Variants in SLC38A9 observed in about 807,000 individuals in gnomAD.
SLC38A9 encodes the protein solute carrier family 38 member 9, also known as neutral amino acid transporter 9.
SLC38A9 carries 48 observed loss-of-function variants against 62.3 expected under a neutral mutation model. That is an observed-to-expected ratio of 0.77 (90% CI 0.61 to 0.98). The LOEUF is 0.98. Among genes scored for constraint, SLC38A9 ranks in the 50% least tolerant of loss-of-function variants. The pLI is 0.00. For synonymous variants in SLC38A9, 204 were observed against 227.7 expected (o/e 0.90, Z 0.94); for missense variants, 541 against 679.8 (o/e 0.80, Z 2.27).
chr5:55,641,414 G>C (rs965756624), intron 12 of SLC38A9, among the ~76,000 whole-genome samples: 5 of 152,224 alleles, frequency 3.3e-5, no homozygotes, highest in Non-Finnish European at 7.3e-5. Context: ...TTCTGACAAT[G>C]TCAATTCCTC....
intron 14 of SLC38A9, among the ~76,000 whole-genome samples, chr5:55,630,304 G>GTT (rs963538918): frequency 8.2e-4 from 125 of 151,982 alleles, no homozygotes; most frequent in African/African-American, 2.9e-3. Context: ...AAATTAAAGG[G>GTT]TTTTTTTGTT....
chr5:55,678,180 C>T (rs1170926446), intron 3 of SLC38A9, among the ~76,000 whole-genome samples: 4 of 134,678 alleles, frequency 3.0e-5, no homozygotes, highest in Non-Finnish European at 4.7e-5. Context: ...CTGTCTTGCC[C>T]AGGATGGAGA....
rs1033325670 is a variant in SLC38A9 at position 55,669,761 on chromosome 5, G to A, written c.365C>T (p.Thr122Ile). The change falls in exon 5 of 16, where the codon ACC (threonine) becomes ATC (isoleucine). Residue 122 changes from threonine to isoleucine, a missense_variant. Thr to Ile is a moderately conservative substitution (Grantham distance 89, BLOSUM62 -1). Transcript: ENST00000396865. Reference protein sequence around the residue: ...EGYGKNTSLVTIFMIWNTMMG... With the variant: ...EGYGKNTSLVIIFMIWNTMMG... ...TCCAAAAAGCAGTTTCACTCACATG[G>A]TTACTAAACTGGTGTTTTTACCGTA... 3.7e-6 allele frequency: 6 copies of A among 1,612,754 alleles called. No individual in the cohort carries two copies. The highest frequency in any genetic ancestry group is 3.4e-6 in the Non-Finnish European group (4 of 1,179,658).
intron 12 of SLC38A9, among the ~76,000 whole-genome samples, chr5:55,642,678 T>G (rs1022706791): frequency 3.3e-5 from 5 of 152,164 alleles, no homozygotes; most frequent in African/African-American, 1.2e-4. Flanking sequence ...CTATTGTATG[T>G]TAGATCATGT....
intron 14 of SLC38A9, among the ~76,000 whole-genome samples, chr5:55,632,379 A>C (rs1024264301): frequency 6.6e-6 from 1 of 152,188 alleles, no homozygotes; most frequent in Non-Finnish European, 1.5e-5. Context: ...TGGAGCTTGC[A>C]GTGAGCCGAG....
chr5:55,687,633 T>A (rs1754106987), intron 3 of SLC38A9, among the ~76,000 whole-genome samples: 1 of 152,128 alleles, frequency 6.6e-6, no homozygotes, highest in African/African-American at 2.4e-5. Flanking sequence ...TTTGTAGTTC[T>A]CCTTGTAGAG....
At chr5:55,645,061 C>G (rs530983790) in intron 12 of SLC38A9, among the ~76,000 whole-genome samples, 2 of 152,200 alleles carry the variant, frequency 1.3e-5, no homozygotes, top group South Asian at 4.2e-4. Flanking sequence ...CATTTTTTAT[C>G]AGCCGCATTT....
At chr5:55,684,858 T>C (rs1363494470) in intron 3 of SLC38A9, among the ~76,000 whole-genome samples, 1 of 152,168 alleles carries the variant, frequency 6.6e-6, no homozygotes, top group African/African-American at 2.4e-5. Flanking sequence ...TTCACCATGT[T>C]GGCCAGGCTA....
chr5:55,683,463 T>C (rs1753319500), intron 3 of SLC38A9, among the ~76,000 whole-genome samples: 2 of 152,210 alleles, frequency 1.3e-5, no homozygotes, highest in Non-Finnish European at 2.9e-5. Flanking sequence ...GGAATAACTT[T>C]GTTCTCATTA....
chr5:55,705,439 C>CAAAAAAAAAAAAAAAA (rs67490309), intron 2 of SLC38A9, among the ~76,000 whole-genome samples: 4 of 125,646 alleles, frequency 3.2e-5, no homozygotes, highest in African/African-American at 5.9e-5. Flanking sequence ...CTTCATATTA[C>CAAAAAAAAAAAAAAAA]AAAAAAAAAA....
intron 3 of SLC38A9, among the ~76,000 whole-genome samples, chr5:55,686,372 G>C (rs961887042): frequency 3.3e-5 from 5 of 152,160 alleles, no homozygotes; most frequent in African/African-American, 1.2e-4. Flanking sequence ...TTTCTCTAAT[G>C]ATCAGTGATA....
At chr5:55,641,303 G>T (rs1335593259) in intron 12 of SLC38A9, among the ~76,000 whole-genome samples, 2 of 152,184 alleles carry the variant, frequency 1.3e-5, no homozygotes, top group Non-Finnish European at 2.9e-5. Flanking sequence ...TTGGTGAACT[G>T]CCATACTCCT....
chr5:55,658,077 T>C (rs1340927162), intron 8 of SLC38A9: 1 of 152,238 alleles, frequency 6.6e-6, no homozygotes, highest in Admixed American at 6.5e-5. Context: ...TATTTAAAAA[T>C]AGAGTCTTTG....
At position 55,626,004 on chromosome 5, in the gene SLC38A9, T is replaced by C. The variant is rs893246050; in HGVS notation, c.*490A>G. ...AACACTGATGCCATGAAAACTTCTTTTTAAAAATGAGGTATTTGGCTTACT... is the reference window on the plus strand; with the variant it reads ...AACACTGATGCCATGAAAACTTCTTCTTAAAAATGAGGTATTTGGCTTACT... On this transcript the variant is annotated 3_prime_UTR_variant, in exon 16 of 16. Coordinates refer to ENST00000396865, the MANE Select transcript of SLC38A9 (RefSeq NM_173514.4). The C allele has an allele frequency of 6.5e-6, 1 of 152,958 alleles. No individual in the cohort carries two copies. The highest frequency in any genetic ancestry group is 1.5e-5 in the Non-Finnish European group (1 of 68,308). 9.5% of individuals were successfully genotyped at this position (152,958 alleles called of 1,614,324 possible). A position where few individuals can be genotyped will look rare whatever the true frequency, so the allele number is the denominator to read the frequency against.
chr5:55,628,074 C>T (rs1442000340), intron 14 of SLC38A9, 94 bp from the exon 15 acceptor site: 12 of 742,928 alleles, frequency 1.6e-5, no homozygotes, highest in Middle Eastern at 4.8e-4. Flanking sequence ...TTCTTAACAT[C>T]GTTAAAATCA....
intron 2 of SLC38A9, among the ~76,000 whole-genome samples, chr5:55,701,576 C>T (rs1247986145): frequency 6.6e-6 from 1 of 152,130 alleles, no homozygotes; most frequent in Non-Finnish European, 1.5e-5. Context: ...TGCTTCTATC[C>T]TTATCCCCCT....
chr5:55,679,963 A>G (rs1752754584), intron 3 of SLC38A9, among the ~76,000 whole-genome samples: 1 of 152,260 alleles, frequency 6.6e-6, no homozygotes, highest in South Asian at 2.1e-4. Context: ...ATATTTTGAA[A>G]TAAAGAGCAT....
chr5:55,629,995 C>T (rs1271090645), intron 14 of SLC38A9, among the ~76,000 whole-genome samples: 5 of 151,860 alleles, frequency 3.3e-5, no homozygotes, highest in East Asian at 1.9e-4. Context: ...ATCATGCATG[C>T]GTAAAAGATC....
chr5:55,709,832 C>T (rs557793439), intron 2 of SLC38A9, among the ~76,000 whole-genome samples: 3 of 151,620 alleles, frequency 2.0e-5, no homozygotes, highest in Non-Finnish European at 4.4e-5. Context: ...TTTGGGAGGC[C>T]GAGGCAGGCA....
Sources: gnomAD v4.1 joint callset for allele counts (sites outside exome capture counted in the v4.1 genomes callset) on GRCh38, gnomAD v4.1.1 for gene constraint, MANE v1.5 for transcripts, NCBI Gene and HGNC (gene_info 2026-07-23, HGNC 2026-07-21) for gene names.